The following LINGO2 variants were observed in gnomAD, a reference collection of about 807,000 sequenced individuals.
LINGO2 encodes leucine rich repeat and Ig domain containing 2.
LINGO2 carries 14 observed loss-of-function variants against 30.6 expected under a neutral mutation model. The ratio of observed to expected loss-of-function variants is 0.46; its 90% CI spans 0.30 to 0.72. The LOEUF is 0.72. Ranked by LOEUF, LINGO2 falls within the 30% of genes least tolerant of loss-of-function variation. The pLI is 0.07. For synonymous variants in LINGO2, 317 were observed against 288.5 expected, an observed-to-expected ratio of 1.10 and a Z score of -1.00; for missense variants, 729 against 751.7, an observed-to-expected ratio of 0.97 and a Z score of 0.35.
chr9:28,316,494 G>A (rs1458485196), intron 3 of LINGO2, among the ~76,000 whole-genome samples: 3 of 152,098 alleles, frequency 2.0e-5, no homozygotes, highest in Admixed American at 2.0e-4. Context: ...CAAAGAAGTG[G>A]AATCTGGAAA....
the LINGO2 span, among the ~76,000 whole-genome samples, chr9:28,796,763 A>C: frequency 6.6e-6 from 1 of 152,004 alleles, no homozygotes; most frequent in Admixed American, 6.6e-5. Flanking sequence ...ATTATAGATA[A>C]AAGTATTCCC....
At chr9:28,221,863 T>C (rs1820978226) in intron 4 of LINGO2, among the ~76,000 whole-genome samples, 1 of 152,192 alleles carries the variant, frequency 6.6e-6, no homozygotes, top group South Asian at 2.1e-4. Flanking sequence ...CAGGATATAC[T>C]AATTTCTGTT....
chr9:28,761,116 T>C, the LINGO2 span, among the ~76,000 whole-genome samples: 2 of 151,810 alleles, frequency 1.3e-5, no homozygotes, highest in East Asian at 1.9e-4. Flanking sequence ...TTACTCTGGG[T>C]AGATACCCAG....
At chr9:28,574,568 G>A (rs1823862436) in intron 1 of LINGO2, among the ~76,000 whole-genome samples, 1 of 152,142 alleles carries the variant, frequency 6.6e-6, no homozygotes, top group Admixed American at 6.5e-5. Context: ...GGGAGAACTG[G>A]ATGAAAGAGC....
chr9:28,649,689 A>T (rs1828000543), intron 1 of LINGO2, among the ~76,000 whole-genome samples: 1 of 152,104 alleles, frequency 6.6e-6, no homozygotes, highest in Non-Finnish European at 1.5e-5. Context: ...CACTGGACGG[A>T]TGTTGTGGGA....
chr9:28,990,567 G>A, the LINGO2 span, among the ~76,000 whole-genome samples: 2 of 152,182 alleles, frequency 1.3e-5, no homozygotes, highest in East Asian at 1.9e-4. Flanking sequence ...GTGGCTCCCT[G>A]ACCCCTGACC....
chr9:29,089,221 ATAT>A, the LINGO2 span, among the ~76,000 whole-genome samples: 2 of 151,364 alleles, frequency 1.3e-5, no homozygotes, highest in African/African-American at 2.4e-5. Flanking sequence ...CATCAACATA[ATAT>A]TATTTATAGC....
intron 4 of LINGO2, among the ~76,000 whole-genome samples, chr9:28,197,643 C>T (rs1284656449): frequency 6.6e-6 from 1 of 151,828 alleles, no homozygotes; most frequent in Non-Finnish European, 1.5e-5. Context: ...TCTTTAGGAA[C>T]TGCAGAGTTG....
intron 1 of LINGO2, among the ~76,000 whole-genome samples, chr9:28,546,256 T>C (rs1458710231): frequency 6.6e-6 from 1 of 152,010 alleles, no homozygotes; most frequent in East Asian, 1.9e-4. Flanking sequence ...ATAAGGATCA[T>C]AGCTGACACT....
At chr9:28,573,394 A>C (rs1823800585) in intron 1 of LINGO2, among the ~76,000 whole-genome samples, 1 of 152,140 alleles carries the variant, frequency 6.6e-6, no homozygotes, top group Non-Finnish European at 1.5e-5. Context: ...CTTTAAATTA[A>C]ATGCAAAGAC....
chr9:28,729,398 T>C, the LINGO2 span, among the ~76,000 whole-genome samples: 2 of 151,806 alleles, frequency 1.3e-5, no homozygotes, highest in African/African-American at 2.4e-5. Flanking sequence ...ACATGAAAGA[T>C]AGAAACCAGA....
the LINGO2 span, among the ~76,000 whole-genome samples, chr9:29,055,423 TCAC>T: frequency 6.6e-6 from 1 of 152,216 alleles, no homozygotes; most frequent in Admixed American, 6.5e-5. Flanking sequence ...TCCGTGCATA[TCAC>T]CACATTTTTT....
chr9:28,229,523 G>A (rs1312870274), intron 4 of LINGO2, among the ~76,000 whole-genome samples: 1 of 151,696 alleles, frequency 6.6e-6, no homozygotes, highest in African/African-American at 2.4e-5. Context: ...ATCAGAAATG[G>A]CAGTGTTAAT....
chr9:27,955,291 A>G (rs1297570660), intron 5 of LINGO2, among the ~76,000 whole-genome samples: 1 of 152,208 alleles, frequency 6.6e-6, no homozygotes, highest in Non-Finnish European at 1.5e-5. Flanking sequence ...TTTAGGTAGT[A>G]AAGATTGTGA....
the LINGO2 span, among the ~76,000 whole-genome samples, chr9:28,764,967 C>T: frequency 6.6e-6 from 1 of 151,836 alleles, no homozygotes; most frequent in African/African-American, 2.4e-5. Context: ...AAACACTGAA[C>T]ATTATACTTT....
chr9:27,970,850 A>C (rs1256114107), intron 5 of LINGO2, among the ~76,000 whole-genome samples: 1 of 151,862 alleles, frequency 6.6e-6, no homozygotes, highest in Non-Finnish European at 1.5e-5. Flanking sequence ...CATGAAAATA[A>C]ATAACATGGA....
chr9:27,972,418 C>G (rs1820399960), intron 5 of LINGO2, among the ~76,000 whole-genome samples: 1 of 152,062 alleles, frequency 6.6e-6, no homozygotes, highest in Non-Finnish European at 1.5e-5. Context: ...GGAGAGTTTC[C>G]CCTTCTTATC....
chr9:28,683,593 A>C, the LINGO2 span, among the ~76,000 whole-genome samples: 1 of 152,168 alleles, frequency 6.6e-6, no homozygotes, highest in Non-Finnish European at 1.5e-5. Context: ...TGTTAATCAA[A>C]ACCATAGCTT....
At chr9:28,536,984 AT>A (rs1821462363) in intron 1 of LINGO2, among the ~76,000 whole-genome samples, 1 of 152,122 alleles carries the variant, frequency 6.6e-6, no homozygotes, top group South Asian at 2.1e-4. Flanking sequence ...CTAGAACAGA[AT>A]GGGCCTCTAA....
Sources: gnomAD v4.1 joint callset for allele counts (sites outside exome capture counted in the v4.1 genomes callset) on GRCh38, gnomAD v4.1.1 for gene constraint, MANE v1.5 for transcripts, NCBI Gene and HGNC (gene_info 2026-07-23, HGNC 2026-07-21) for gene names.